Variants in SIAE observed in about 807,000 individuals in gnomAD.
SIAE encodes the protein sialic acid acetylesterase, also known as sialate O-acetylesterase.
A neutral mutation model predicts 52.6 loss-of-function variants in SIAE; 39 were observed. The ratio of observed to expected loss-of-function variants is 0.74; its 90% CI spans 0.57 to 0.97. The LOEUF (loss-of-function observed/expected upper bound fraction) is 0.97. SIAE is among the 50% of genes least tolerant of loss of function. SIAE has a pLI of 0.00. For missense variants in SIAE, 592 were observed against 662.1 expected, an observed-to-expected ratio of 0.89 and a Z score of 1.16; for synonymous variants, 233 against 241.4, an observed-to-expected ratio of 0.97 and a Z score of 0.32.
At chr11:124,643,526 G>A (rs1942882660) in intron 7 of SIAE, among the ~76,000 whole-genome samples, 1 of 152,188 alleles carries the variant, frequency 6.6e-6, no homozygotes. Context: ...AGGAGTAAAG[G>A]TAGTGAGAAG....
intron 2 of SIAE, among the ~76,000 whole-genome samples, chr11:124,668,959 T>C (rs1228932151): frequency 6.6e-6 from 1 of 152,180 alleles, no homozygotes; most frequent in Non-Finnish European, 1.5e-5. Context: ...TACCCTCTCC[T>C]CCATACTGCC....
intron 7 of SIAE, 60 bp from the exon 8 acceptor site, chr11:124,639,927 C>T: frequency 6.3e-7 from 1 of 1,576,214 alleles, no homozygotes; most frequent in South Asian, 1.1e-5. Context: ...GAGTCTTTTT[C>T]ACTGGCAGAC....
chr11:124,662,591 G>T (rs1348403516), intron 2 of SIAE, among the ~76,000 whole-genome samples: 1 of 152,122 alleles, frequency 6.6e-6, no homozygotes, highest in Non-Finnish European at 1.5e-5. Flanking sequence ...AAAACACTCT[G>T]CTACCCAGTA....
At position 124,648,178 on chromosome 11, in the gene SIAE, G is replaced by C. The variant is rs369759724; in HGVS notation, c.723-3C>G. 1.1e-5 allele frequency: 17 copies of C among 1,607,112 alleles called. No individual in the cohort carries two copies. The highest frequency in any genetic ancestry group is 1.4e-5 in the Non-Finnish European group (16 of 1,173,750). On this transcript the variant is annotated splice_region_variant and splice_polypyrimidine_tract_variant and intron_variant, in intron 5 of 9. Transcript: ENST00000263593. ...TTACAGAATCGTATGGAATGGACCT[G>C]AAATCATATGATGCACAAGTGTCAC... is the stretch of plus-strand genomic sequence containing the variant.
intron 5 of SIAE, 142 bp from the exon 6 acceptor site, chr11:124,648,317 T>C: frequency 1.5e-6 from 1 of 689,322 alleles, no homozygotes; most frequent in South Asian, 1.5e-5. Context: ...CGAAACTCTT[T>C]TTCTTGAAAA....
At chr11:124,655,667 A>G in intron 3 of SIAE, among the ~76,000 whole-genome samples, 1 of 152,176 alleles carries the variant, frequency 6.6e-6, no homozygotes, top group East Asian at 1.9e-4. Context: ...AAATGCATAT[A>G]CAGTTATCCT....
upstream of SIAE, chr11:124,675,291 C>T (rs368335369): frequency 1.8e-4 from 289 of 1,614,042 alleles, 3 homozygotes; most frequent in Middle Eastern, 2.3e-3. Context: ...CCAACACCCA[C>T]TACCGAATTC....
chr11:124,639,642 G>A, intron 8 of SIAE, 68 bp downstream of exon 8: 1 of 1,604,682 alleles, frequency 6.2e-7, no homozygotes, highest in Non-Finnish European at 8.5e-7. Context: ...CCCCTCACCG[G>A]TGAACATCAG....
intron 3 of SIAE, 78 bp downstream of exon 3, chr11:124,660,550 T>C (rs1454356107): frequency 3.4e-6 from 5 of 1,479,568 alleles, no homozygotes; most frequent in Non-Finnish European, 3.8e-6. Context: ...CTGCTTCTCC[T>C]TGTTGCCCCC....
At chr11:124,651,502 C>T (rs78383810) in intron 4 of SIAE, among the ~76,000 whole-genome samples, 8 of 149,436 alleles carry the variant, frequency 5.4e-5, no homozygotes, top group African/African-American at 9.9e-5. Context: ...GAGCTGAGAT[C>T]GTGCCACTGC....
chr11:124,653,090 T>C (rs905160656), intron 4 of SIAE, among the ~76,000 whole-genome samples: 1 of 152,222 alleles, frequency 6.6e-6, no homozygotes, highest in East Asian at 1.9e-4. Flanking sequence ...CCTGAATCCA[T>C]TCAGTTCCTG....
intron 1 of SIAE, among the ~76,000 whole-genome samples, chr11:124,671,886 C>T (rs1165242730): frequency 6.6e-6 from 1 of 151,684 alleles, no homozygotes. Context: ...CTCAGCCTCC[C>T]GAGTAGCTGA....
chr11:124,673,917 A>C, upstream of SIAE: 1 of 591,316 alleles, frequency 1.7e-6, no homozygotes, highest in Non-Finnish European at 3.0e-6. Context: ...TAGAAAAACA[A>C]CCGGAACCGG....
intron 2 of SIAE, among the ~76,000 whole-genome samples, chr11:124,667,489 G>T (rs1199834555): frequency 1.3e-5 from 2 of 152,172 alleles, no homozygotes; most frequent in East Asian, 1.9e-4. Context: ...AATGAATTTT[G>T]AAGAGACTGC....
In SIAE at chr11:124,670,570, T is replaced by C. The variant is rs879866195; in HGVS notation, c.68-1049A>G. Among the ~76,000 whole-genome samples, 4 of 152,188 alleles carry C rather than the reference T, an allele frequency of 2.6e-5. No individual in the cohort carries two copies. Among genetic ancestry groups the C allele is most frequent in the Non-Finnish European group, 5.9e-5 (4 of 68,036 alleles). ...TTTTAAGCATTTTAAACAAAAATGA[T>C]AGGCAGAAAAGAGAACCAGAATTAA... On this transcript the variant is annotated intron_variant, in intron 1 of 9. Transcript: ENST00000263593. The surrounding 1 kb of genome is among the most constrained non-coding windows in gnomAD (Gnocchi z 4.5).
In SIAE at chr11:124,660,803, G is replaced by A. The variant is rs1295252517; in HGVS notation, c.230C>T (p.Ala77Val). ...TIMKKVTSVK[A>V]HSDTWMVVLD... The stretch of plus-strand genomic sequence containing the variant: ...TACCACCATCCACGTATCAGAGTGA[G>A]CTGAAATAGTAACAGGACTCCAAGG... The change falls in exon 3 of 10, where the codon GCT becomes GTT. Residue 77 changes from alanine (A) to valine (V), a missense_variant and splice_region_variant. Ala to Val is a moderately conservative substitution (Grantham distance 64). Coordinates refer to ENST00000263593, the MANE Select transcript of SIAE (RefSeq NM_170601.5). 6.2e-7 allele frequency: 1 copy of A among 1,614,082 alleles called. No homozygotes were observed. Among genetic ancestry groups the A allele is most frequent in the South Asian group, 1.1e-5 (1 of 91,078 alleles).
chr11:124,669,210 G>T, intron 2 of SIAE, 150 bp downstream of exon 2: 1 of 1,076,370 alleles, frequency 9.3e-7, no homozygotes, highest in Non-Finnish European at 1.4e-6. Flanking sequence ...CTAAGCACAT[G>T]GCAAATATTC....
intron 7 of SIAE, among the ~76,000 whole-genome samples, chr11:124,642,225 C>CA (rs1462183364): frequency 6.6e-6 from 1 of 152,146 alleles, no homozygotes; most frequent in African/African-American, 2.4e-5. Context: ...ATCCAAGTAG[C>CA]ACCAGAATAT....
chr11:124,673,941 G>T, upstream of SIAE: 3 of 580,352 alleles, frequency 5.2e-6, no homozygotes, highest in Non-Finnish European at 9.2e-6. Context: ...CACCAGCTCG[G>T]AGAGAAAGGA....
Sources: allele counts gnomAD v4.1 joint callset (sites outside exome capture counted in the v4.1 genomes callset), GRCh38; gene constraint gnomAD v4.1.1; non-coding constraint Gnocchi (gnomAD v3.1); transcripts MANE v1.5; gene names NCBI Gene and HGNC (gene_info 2026-07-23, HGNC 2026-07-21).